The following DLG2 variants were observed in gnomAD, a reference collection of about 807,000 sequenced individuals.
DLG2 encodes the protein disks large homolog 2.
In DLG2, 45 loss-of-function variants were observed where a neutral mutation model predicts 132.5. That is an observed-to-expected ratio of 0.34 (90% CI 0.27 to 0.44). The LOEUF (loss-of-function observed/expected upper bound fraction) is 0.44, where lower values mean the gene tolerates loss of function less well. Ranked by LOEUF, DLG2 falls within the 20% of genes least tolerant of loss-of-function variation. DLG2 has a pLI of 1.00. For missense variants in DLG2, 1,045 were observed against 1,196.9 expected (o/e 0.87, Z 1.87); for synonymous variants, 424 against 419.6 (o/e 1.01, Z -0.13).
intron 3 of DLG2, among the ~76,000 whole-genome samples, chr11:85,447,567 A>C (rs949723066): frequency 6.6e-6 from 1 of 152,116 alleles, no homozygotes; most frequent in African/African-American, 2.4e-5. Flanking sequence ...ATTGCCAACC[A>C]CCTTGATCTT....
intron 18 of DLG2, among the ~76,000 whole-genome samples, chr11:83,761,940 G>A (rs1160691221): frequency 6.6e-6 from 1 of 152,074 alleles, no homozygotes; most frequent in African/African-American, 2.4e-5. Flanking sequence ...ATCTCCCAGG[G>A]AGTTATTGTA....
intron 6 of DLG2, among the ~76,000 whole-genome samples, chr11:84,933,361 G>A (rs968764222): frequency 6.6e-6 from 1 of 151,962 alleles, no homozygotes; most frequent in African/African-American, 2.4e-5. Context: ...CTCTTTTTTG[G>A]TTCCATATGA....
intron 15 of DLG2, among the ~76,000 whole-genome samples, chr11:83,924,542 G>A (rs1416578587): frequency 6.6e-6 from 1 of 152,086 alleles, no homozygotes; most frequent in African/African-American, 2.4e-5. Context: ...TAAAAATACA[G>A]GCAGGCTTGC....
chr11:85,496,474 C>G (rs1485348557), intron 3 of DLG2, among the ~76,000 whole-genome samples: 1 of 152,190 alleles, frequency 6.6e-6, no homozygotes, highest in African/African-American at 2.4e-5. Flanking sequence ...TCTCTAGATT[C>G]CACCTCTGGG....
At chr11:83,720,675 C>T (rs2088255321) in intron 18 of DLG2, among the ~76,000 whole-genome samples, 1 of 151,084 alleles carries the variant, frequency 6.6e-6, no homozygotes, top group African/African-American at 2.4e-5. Context: ...TGAATATTAA[C>T]ACATTGAAAT....
chr11:83,710,632 T>G (rs117260920), intron 18 of DLG2, among the ~76,000 whole-genome samples: 1 of 152,298 alleles, frequency 6.6e-6, no homozygotes, highest in East Asian at 1.9e-4. Flanking sequence ...ATAACATGTT[T>G]CTATTTGCAG....
chr11:85,073,810 C>T (rs1011345204), intron 6 of DLG2, among the ~76,000 whole-genome samples: 7 of 151,922 alleles, frequency 4.6e-5, no homozygotes, highest in African/African-American at 1.2e-4. Context: ...AATATGTTTA[C>T]TGCAGCATTA....
chr11:84,050,769 T>C (rs1460994375), intron 11 of DLG2, among the ~76,000 whole-genome samples: 3 of 152,040 alleles, frequency 2.0e-5, no homozygotes, highest in African/African-American at 7.2e-5. Context: ...ATTTATTAAA[T>C]AGGGAATAGT....
intron 7 of DLG2, among the ~76,000 whole-genome samples, chr11:84,521,391 T>C (rs1288071507): frequency 6.6e-6 from 1 of 152,208 alleles, no homozygotes. Flanking sequence ...AAGACCCGGA[T>C]TCCTGTCTCA....
intron 7 of DLG2, among the ~76,000 whole-genome samples, chr11:84,348,937 C>T (rs1450014740): frequency 6.6e-6 from 1 of 152,134 alleles, no homozygotes; most frequent in Non-Finnish European, 1.5e-5. Flanking sequence ...TCAGAAGAAA[C>T]CAACCTTGCC....
At chr11:84,161,537 C>G (rs538959709) in intron 9 of DLG2, among the ~76,000 whole-genome samples, 1 of 152,258 alleles carries the variant, frequency 6.6e-6, no homozygotes, top group South Asian at 2.1e-4. Flanking sequence ...TGCTGAAGAT[C>G]AGGAAACAAG....
chr11:84,537,226 C>A lies in DLG2; in HGVS notation c.358-2495G>T, dbSNP rs191406882. 1.1e-3 allele frequency among the ~76,000 whole-genome samples: 175 copies of A among 152,312 alleles called. No homozygotes were observed. In the East Asian group the frequency reaches 0.02, roughly 18 times the overall value. On this transcript the variant is annotated intron_variant, in intron 6 of 27. Coordinates refer to ENST00000376104, the MANE Select transcript of DLG2 (RefSeq NM_001142699.3). ...AGTTCGAGCAATTCTCCTGCCTCAG[C>A]CTCCCGAGTAGCTGGGACTACAGGC...
At chr11:84,899,545 C>T (rs139719994) in intron 6 of DLG2, among the ~76,000 whole-genome samples, 25 of 152,108 alleles carry the variant, frequency 1.6e-4, no homozygotes, top group African/African-American at 5.5e-4. Context: ...CTCTTCTTCC[C>T]GCCACCTCTG....
intron 10 of DLG2, among the ~76,000 whole-genome samples, chr11:84,064,702 TGAGGG>T (rs2096644859): frequency 6.6e-6 from 1 of 151,664 alleles, no homozygotes; most frequent in South Asian, 2.1e-4. Flanking sequence ...GAGACTATAG[TGAGGG>T]AAAAATACTA....
intron 6 of DLG2, among the ~76,000 whole-genome samples, chr11:84,706,978 C>A (rs138226880): frequency 6.6e-6 from 1 of 151,716 alleles, no homozygotes; most frequent in Non-Finnish European, 1.5e-5. Flanking sequence ...TACACCAATG[C>A]CAAATGCTTA....
At chr11:84,073,481 C>T (rs1041534977) in intron 10 of DLG2, among the ~76,000 whole-genome samples, 1 of 152,002 alleles carries the variant, frequency 6.6e-6, no homozygotes, top group African/African-American at 2.4e-5. Flanking sequence ...TATTGAAGAC[C>T]TGCCACAGAG....
intron 21 of DLG2, among the ~76,000 whole-genome samples, chr11:83,514,400 A>G (rs1592228434): frequency 6.6e-6 from 1 of 152,298 alleles, no homozygotes; most frequent in East Asian, 1.9e-4. Flanking sequence ...ACTTTGCTGA[A>G]GTTGCTTATG....
At chr11:85,029,668 C>T (rs984788142) in intron 6 of DLG2, among the ~76,000 whole-genome samples, 2 of 152,132 alleles carry the variant, frequency 1.3e-5, no homozygotes, top group Admixed American at 1.3e-4. Context: ...TTAAATTCAG[C>T]CCAAAGATTT....
At chr11:84,350,183 CCA>C (rs1491463886) in intron 7 of DLG2, among the ~76,000 whole-genome samples, 18 of 136,692 alleles carry the variant, frequency 1.3e-4, no homozygotes, top group Admixed American at 4.9e-4. Flanking sequence ...GTCCCCCCCC[CCA>C]AAAAAAAAAA....
Sources: allele counts gnomAD v4.1 joint callset (sites outside exome capture counted in the v4.1 genomes callset), GRCh38; gene constraint gnomAD v4.1.1; transcripts MANE v1.5; gene names NCBI Gene and HGNC (gene_info 2026-07-23, HGNC 2026-07-21).